Variants in EIF4G3 observed in about 807,000 individuals in gnomAD.
EIF4G3 encodes the protein eukaryotic translation initiation factor 4 gamma 3.
EIF4G3 carries 34 observed loss-of-function variants against 186.4 expected under a neutral mutation model. The observed-to-expected ratio is 0.18, with a 90% CI of 0.14 to 0.24. The LOEUF is 0.24. Ranked by LOEUF, EIF4G3 falls within the 10% of genes least tolerant of loss-of-function variation. EIF4G3 has a pLI of 1.00. For synonymous variants in EIF4G3, 673 were observed against 679.5 expected, an observed-to-expected ratio of 0.99 and a Z score of 0.15; for missense variants, 1,536 against 1,948.5, an observed-to-expected ratio of 0.79 and a Z score of 3.99.
At chr1:21,009,665 G>A (rs1271289410) in intron 4 of EIF4G3, among the ~76,000 whole-genome samples, 4 of 149,784 alleles carry the variant, frequency 2.7e-5, no homozygotes, top group East Asian at 4.0e-4. Flanking sequence ...TGCTGGGGGG[G>A]TAGTGGGGGG....
At chr1:21,014,206 C>T (rs915002444) in intron 4 of EIF4G3, among the ~76,000 whole-genome samples, 4 of 152,170 alleles carry the variant, frequency 2.6e-5, no homozygotes, top group African/African-American at 9.7e-5. Context: ...AAAGAATTAT[C>T]ACCGGTGGAG....
chr1:21,149,688 TA>T (rs2097520718), intron 2 of EIF4G3, among the ~76,000 whole-genome samples: 2 of 152,142 alleles, frequency 1.3e-5, no homozygotes, highest in African/African-American at 4.8e-5. Flanking sequence ...TCTCTCACCT[TA>T]ACATACCAAG....
chr1:21,092,085 T>C (rs1450720812), intron 2 of EIF4G3, among the ~76,000 whole-genome samples: 1 of 152,194 alleles, frequency 6.6e-6, no homozygotes, highest in Non-Finnish European at 1.5e-5. Flanking sequence ...TCAAAGGGAA[T>C]GCTTCCAGTT....
chr1:21,132,084 T>C (rs2097163485), intron 2 of EIF4G3, among the ~76,000 whole-genome samples: 1 of 152,166 alleles, frequency 6.6e-6, no homozygotes, highest in Admixed American at 6.5e-5. Context: ...ATCAATATCA[T>C]TAATATAAAT....
At chr1:20,939,132 A>AG (rs1232073904) in intron 14 of EIF4G3, among the ~76,000 whole-genome samples, 1 of 150,916 alleles carries the variant, frequency 6.6e-6, no homozygotes, top group Non-Finnish European at 1.5e-5. Flanking sequence ...AAAAAAAAAA[A>AG]AAAGCTAGAG....
chr1:20,848,955 G>A (rs958452475), intron 29 of EIF4G3, among the ~76,000 whole-genome samples: 12 of 146,156 alleles, frequency 8.2e-5, no homozygotes, highest in Non-Finnish European at 7.4e-5. Flanking sequence ...GATGAGGTAG[G>A]AGAATTGCTT....
At chr1:21,176,142 A>C in intron 2 of EIF4G3, 33 bp downstream of exon 2, 2 of 347,380 alleles carry the variant, frequency 5.8e-6, no homozygotes, top group Non-Finnish European at 1.0e-5. Context: ...GACGACGAGA[A>C]CCGAAGGGCC....
In EIF4G3 at chr1:21,089,147, G is replaced by C. The variant is rs1416392793; in HGVS notation, c.-205C>G. The C allele has an allele frequency of 1.4e-6, 1 of 717,388 alleles. No homozygotes were observed. The highest frequency in any genetic ancestry group is 1.7e-5 in the African/African-American group (1 of 57,378). 44.4% of individuals were successfully genotyped at this position (717,388 alleles called of 1,614,324 possible). On this transcript the variant is annotated 5_prime_UTR_variant, in exon 3 of 37. Transcript: ENST00000602326. ...ACCTTCAGACACTCACCGTGCTGTA[G>C]ACTGCTGAGACAGCGGGAGTGAAGA... is the stretch of plus-strand genomic sequence containing the variant.
At chr1:21,021,222 G>A (rs553433494) in intron 4 of EIF4G3, among the ~76,000 whole-genome samples, 38 of 152,276 alleles carry the variant, frequency 2.5e-4, no homozygotes, top group African/African-American at 8.7e-4. Flanking sequence ...GGCCTCAAGT[G>A]ATCCGCCCAC....
chr1:20,817,428 G>GTCC lies in EIF4G3; in HGVS notation c.4476_4478dup (p.Glu1492dup), dbSNP rs759513859. On this transcript the variant is annotated inframe_insertion, in exon 34 of 37. Transcript: ENST00000602326. ...CAAAGATCTGTTCATCATTCGCTTTGTCCTCAATAATGAGTTTCTCGAGTC... is the reference window on the plus strand; with the variant it reads ...CAAAGATCTGTTCATCATTCGCTTTGTCCTCCTCAATAATGAGTTTCTCGAGTC... 6.2e-7 allele frequency: 1 copy of GTCC among 1,608,406 alleles called. No individual in the cohort carries two copies. The highest frequency in any genetic ancestry group is 8.5e-7 in the Non-Finnish European group (1 of 1,176,732).
At chr1:21,168,422 AG>A (rs1573718219) in intron 2 of EIF4G3, among the ~76,000 whole-genome samples, 1 of 151,252 alleles carries the variant, frequency 6.6e-6, no homozygotes, top group South Asian at 2.1e-4. Context: ...AAAAAAAAAA[AG>A]TATCTCTTTT....
intron 4 of EIF4G3, among the ~76,000 whole-genome samples, chr1:21,034,381 A>G (rs181758050): frequency 3.3e-5 from 5 of 152,338 alleles, no homozygotes; most frequent in Admixed American, 3.3e-4. Flanking sequence ...ATTCTACATT[A>G]CGACCATCCA....
At chr1:20,932,797 C>T (rs1283574850) in intron 14 of EIF4G3, among the ~76,000 whole-genome samples, 2 of 152,042 alleles carry the variant, frequency 1.3e-5, no homozygotes, top group Admixed American at 6.6e-5. Context: ...GTCTGAAATA[C>T]TGTGAGAATT....
intron 11 of EIF4G3, 128 bp downstream of exon 11, chr1:20,972,871 TATA>T: frequency 1.5e-6 from 1 of 677,820 alleles, no homozygotes; most frequent in Non-Finnish European, 2.4e-6. Context: ...GTGGTGTGAC[TATA>T]AGGGAAGAAT....
chr1:21,111,327 G>A (rs763555119), intron 2 of EIF4G3: 11 of 471,264 alleles, frequency 2.3e-5, no homozygotes, highest in Non-Finnish European at 4.4e-5. Flanking sequence ...GATTACCTTG[G>A]GAAAATGATG....
intron 2 of EIF4G3, among the ~76,000 whole-genome samples, chr1:21,171,818 T>C (rs1314722823): frequency 1.3e-5 from 2 of 152,170 alleles, no homozygotes; most frequent in Non-Finnish European, 2.9e-5. Context: ...TCTACTACAA[T>C]GAAAGAGCCA....
intron 36 of EIF4G3, among the ~76,000 whole-genome samples, chr1:20,809,511 T>G (rs1454750917): frequency 2.0e-5 from 3 of 152,208 alleles, no homozygotes; most frequent in Admixed American, 6.6e-5. Context: ...AATCATTAGT[T>G]AACACCAAGT....
intron 18 of EIF4G3, chr1:20,892,675 G>C: frequency 6.5e-7 from 1 of 1,536,054 alleles, no homozygotes; most frequent in South Asian, 1.2e-5. Context: ...GGGCAAGTTG[G>C]GGCTTTGCTC....
rs138054232 is a variant in EIF4G3, at chr1:20,977,332, G to A, written c.493+3002C>T. On this transcript the variant is annotated intron_variant, in intron 10 of 36. Transcript: ENST00000602326. ...CTCCCGAGTAGCTGGGATTACAGGC[G>A]CCCGCCACCACACCCTGCTAATTTT... 4.0e-3 allele frequency among the ~76,000 whole-genome samples: 614 copies of A among 151,780 alleles called. 11 individuals carry two copies. The highest frequency in any genetic ancestry group is 0.026 in the Admixed American group (403 of 15,240).
Sources: gnomAD v4.1 joint callset for allele counts (sites outside exome capture counted in the v4.1 genomes callset) on GRCh38, gnomAD v4.1.1 for gene constraint, MANE v1.5 for transcripts, NCBI Gene and HGNC (gene_info 2026-07-23, HGNC 2026-07-21) for gene names.